Variants in ESPNL observed in about 807,000 individuals in gnomAD.
ESPNL encodes espin like, also known as espin-like protein.
In ESPNL, 49 loss-of-function variants were observed where a neutral mutation model predicts 46.8. The observed-to-expected ratio is 1.05, with a 90% CI of 0.83 to 1.33. The LOEUF (loss-of-function observed/expected upper bound fraction) is 1.33. ESPNL is among the 40% of genes most tolerant of loss of function. ESPNL has a pLI of 0.00. For synonymous variants in ESPNL, 664 were observed against 662.1 expected (o/e 1.00, Z -0.04); for missense variants, 1,540 against 1,436.6 (o/e 1.07, Z -1.16).
At chr2:238,119,879 C>T (rs372176131) in intron 5 of ESPNL, among the ~76,000 whole-genome samples, 3 of 152,242 alleles carry the variant, frequency 2.0e-5, no homozygotes, top group South Asian at 2.1e-4. Flanking sequence ...ACAGTCCCCC[C>T]CACCCCAGCC....
At position 238,127,734 on chromosome 2, in the gene ESPNL, G is replaced by A. The variant is rs1215103803; in HGVS notation, c.1215G>A (p.Glu405=). The change falls in exon 7 of 9, where the codon GAG becomes GAA. Residue 405 remains glutamate, a splice_region_variant and synonymous_variant. Coordinates refer to ENST00000343063, the MANE Select transcript of ESPNL (RefSeq NM_194312.4). The part of the protein sequence containing the change: ...RIITSATADP[E]GTETALAGDT... ...TCACCAGTGCCACGGCTGACCCCGAGGTTCGTCCTCCACCCCTGCATTCCT... is the reference window on the plus strand; with the variant it reads ...TCACCAGTGCCACGGCTGACCCCGAAGTTCGTCCTCCACCCCTGCATTCCT... 6.2e-7 allele frequency: 1 copy of A among 1,605,432 alleles called. No homozygotes were observed.
At chr2:238,104,193 G>A (rs1217388706) in intron 2 of ESPNL, among the ~76,000 whole-genome samples, 2 of 152,146 alleles carry the variant, frequency 1.3e-5, no homozygotes, top group Non-Finnish European at 2.9e-5. Flanking sequence ...ACGAGCCCGA[G>A]AGTTGACCCT....
intron 3 of ESPNL, 26 bp from the exon 4 acceptor site, chr2:238,107,765 T>G (rs1239341408): frequency 1.9e-6 from 3 of 1,546,064 alleles, no homozygotes; most frequent in Non-Finnish European, 2.6e-6. Context: ...GGAGGATGGC[T>G]GCTCCCTCTG....
intron 6 of ESPNL, among the ~76,000 whole-genome samples, chr2:238,125,925 GTT>G (rs2106476862): frequency 6.6e-6 from 1 of 152,242 alleles, no homozygotes; most frequent in South Asian, 2.1e-4. Flanking sequence ...GTGTCTGTGT[GTT>G]CTGTGTGTGA....
intron 5 of ESPNL, among the ~76,000 whole-genome samples, chr2:238,124,636 GGA>G (rs1373976970): frequency 6.7e-6 from 1 of 148,338 alleles, no homozygotes; most frequent in African/African-American, 2.5e-5. Context: ...TGTGTGTGCA[GGA>G]GAGTGTACGT....
rs1331100550 is a variant in ESPNL at position 238,130,903 on chromosome 2, G to A, written c.2189G>A (p.Gly730Asp). The A allele has an allele frequency of 2.8e-5, 44 of 1,546,490 alleles. No homozygotes were observed. The highest frequency in any genetic ancestry group is 3.8e-5 in the Non-Finnish European group (44 of 1,146,408). Residue 730 changes from glycine to aspartate, a missense_variant, in exon 9 of 9, where the codon GGC becomes GAC. Gly to Asp is a moderately conservative substitution (Grantham distance 94). Transcript: ENST00000343063. ...CCATCAGAGGCGGGTGCCGCAGCCGGCCCAGACCTGGCCAGCCTGCGCAAG... is the reference window on the plus strand; with the variant it reads ...CCATCAGAGGCGGGTGCCGCAGCCGACCCAGACCTGGCCAGCCTGCGCAAG... ...EVPSEAGAAA[G>D]PDLASLRKER...
chr2:238,102,187 G>A, intron 2 of ESPNL, 56 bp downstream of exon 2: 1 of 1,434,738 alleles, frequency 7.0e-7, no homozygotes. Context: ...TGGCCAAGGG[G>A]AGGCTGCACC....
At chr2:238,109,472 T>A (rs1691670108) in intron 4 of ESPNL, among the ~76,000 whole-genome samples, 1 of 152,182 alleles carries the variant, frequency 6.6e-6, no homozygotes, top group South Asian at 2.1e-4. Flanking sequence ...TGCCTCAGCC[T>A]CCTGAGTAGC....
At chr2:238,127,024 T>A (rs1318968527) in intron 6 of ESPNL, among the ~76,000 whole-genome samples, 1 of 150,474 alleles carries the variant, frequency 6.6e-6, no homozygotes, top group Non-Finnish European at 1.5e-5. Context: ...TGATTGTGTT[T>A]GTGTGTCTGT....
At position 238,130,403 on chromosome 2, in the gene ESPNL, T is replaced by G; in HGVS notation, c.1689T>G (p.Val563=). Residue 563 remains valine, a synonymous_variant, in exon 9 of 9, where the codon GTT becomes GTG. Coordinates refer to ENST00000343063, the MANE Select transcript of ESPNL (RefSeq NM_194312.4). Reference sequence around the variant, plus strand: ...TGCCCCGGGCGCCCGGACTGGAGGTTGAGGAGGCCTCAATCCCAGCGGCTG... The same window carrying G: ...TGCCCCGGGCGCCCGGACTGGAGGTGGAGGAGGCCTCAATCCCAGCGGCTG... The part of the protein sequence containing the change: ...HFLPRAPGLE[V]EEASIPAAEP... 6.2e-7 allele frequency: 1 copy of G among 1,610,712 alleles called. No individual in the cohort carries two copies. Among genetic ancestry groups the G allele is most frequent in the East Asian group, 2.2e-5 (1 of 44,776 alleles).
chr2:238,117,139 C>G, intron 5 of ESPNL, 105 bp downstream of exon 5: 2 of 1,406,270 alleles, frequency 1.4e-6, no homozygotes, highest in South Asian at 2.8e-5. Flanking sequence ...GGGAAGCTCA[C>G]CATGTCCAAC....
Position 238,100,597 on chromosome 2 carries a change from C to A in ESPNL, c.178C>A (p.Gln60Lys). The A allele has an allele frequency of 6.5e-7, 1 of 1,528,184 alleles. No individual in the cohort carries two copies. The highest frequency in any genetic ancestry group is 1.3e-5 in the South Asian group (1 of 79,562). 94.7% of individuals were successfully genotyped at this position (1,528,184 alleles called of 1,614,324 possible). A position where few individuals can be genotyped will look rare whatever the true frequency, so the allele number is the denominator to read the frequency against. ...DCVKFLVQRA[Q>K]LPGNQRAHNG... The stretch of plus-strand genomic sequence containing the variant: ...CGTCAAGTTCTTGGTGCAGCGGGCC[C>A]AGCTGCCCGGCAACCAGCGGGCCCA... Residue 60 changes from glutamine (Q) to lysine (K), a missense_variant, in exon 1 of 9, where the codon CAG becomes AAG. Coordinates refer to ENST00000343063, the MANE Select transcript of ESPNL (RefSeq NM_194312.4).
Position 238,130,408 on chromosome 2 carries a change from A to G in ESPNL, c.1694A>G (p.Glu565Gly). 6.2e-7 allele frequency: 1 copy of G among 1,610,414 alleles called. No homozygotes were observed. Among genetic ancestry groups the G allele is most frequent in the African/African-American group, 1.3e-5 (1 of 74,994 alleles). The stretch of plus-strand genomic sequence containing the variant: ...CGGGCGCCCGGACTGGAGGTTGAGG[A>G]GGCCTCAATCCCAGCGGCTGAGCCC... Reference protein sequence around the residue: ...LPRAPGLEVEEASIPAAEPAG... With the variant: ...LPRAPGLEVEGASIPAAEPAG... The change falls in exon 9 of 9, where the codon GAG (glutamate) becomes GGG (glycine). Residue 565 changes from glutamate (E) to glycine (G), a missense_variant. By Grantham distance (98) the Glu-to-Gly change is moderately conservative. Transcript: ENST00000343063.
Position 238,107,975 on chromosome 2 carries a change from T to C in ESPNL, c.855+2T>C. 2 of 1,608,160 alleles carry C rather than the reference T, an allele frequency of 1.2e-6. No individual in the cohort carries two copies. The highest frequency in any genetic ancestry group is 1.1e-5 in the South Asian group (1 of 90,486). On this transcript the variant is annotated splice_donor_variant, in intron 4 of 8. Transcript: ENST00000343063. LOFTEE classifies it high-confidence loss of function. The stretch of plus-strand genomic sequence containing the variant: ...GCAGCAGAGAACGGGCAGATGGAGG[T>C]AAGGTGGGCGTGAGGGAGACAGGGT...
At chr2:238,117,524 G>A (rs1172733700) in intron 5 of ESPNL, among the ~76,000 whole-genome samples, 2 of 152,200 alleles carry the variant, frequency 1.3e-5, no homozygotes, top group Non-Finnish European at 2.9e-5. Context: ...CCCCAGGAGT[G>A]GGAACGGAAC....
rs1190380799 is a variant in ESPNL at position 238,104,688 on chromosome 2, C to T, written c.518C>T (p.Ser173Phe). The change falls in exon 3 of 9, where the codon TCC becomes TTC. Residue 173 changes from serine (S) to phenylalanine (F), a missense_variant. Ser to Phe is a radical substitution (Grantham distance 155, BLOSUM62 -2). Transcript: ENST00000343063. ...AACCGGCGGACACGCAGTGGCGCCT[C>T]CCCACTCTACCTGGCCTGCCAGGAG... Reference protein sequence around the residue: ...SVNRRTRSGASPLYLACQEGH... With the variant: ...SVNRRTRSGAFPLYLACQEGH... 3.7e-6 allele frequency: 6 copies of T among 1,603,844 alleles called. No homozygotes were observed. Among genetic ancestry groups the T allele is most frequent in the Non-Finnish European group, 5.1e-6 (6 of 1,176,014 alleles).
At chr2:238,129,853 T>C (rs1692243710) in intron 8 of ESPNL, among the ~76,000 whole-genome samples, 1 of 152,246 alleles carries the variant, frequency 6.6e-6, no homozygotes, top group Non-Finnish European at 1.5e-5. Context: ...CTCCATCGTC[T>C]CAGGACTGTG....
At position 238,107,918 on chromosome 2, in the gene ESPNL, G is replaced by A. The variant is rs868656293; in HGVS notation, c.800G>A (p.Arg267Lys). The change falls in exon 4 of 9, where the codon AGA (arginine) becomes AAA (lysine). Residue 267 changes from arginine (R) to lysine (K), a missense_variant. Arg to Lys is a conservative substitution (Grantham distance 26). Coordinates refer to ENST00000343063, the MANE Select transcript of ESPNL (RefSeq NM_194312.4). ...RLLLMGTPILRDSWGGTPLHD... is the reference protein window; with the variant it reads ...RLLLMGTPILKDSWGGTPLHD... ...CTGCTCATGGGTACCCCCATCCTGA[G>A]AGACTCCTGGGGTGGGACCCCCCTC... 6.2e-7 allele frequency: 1 copy of A among 1,612,502 alleles called. No individual in the cohort carries two copies. Among genetic ancestry groups the A allele is most frequent in the Non-Finnish European group, 8.5e-7 (1 of 1,179,668 alleles).
intron 5 of ESPNL, among the ~76,000 whole-genome samples, chr2:238,123,437 G>A (rs912534428): frequency 6.6e-6 from 1 of 152,116 alleles, no homozygotes; most frequent in African/African-American, 2.4e-5. Context: ...GTGCCCTGGG[G>A]GCCGTACCGT....
Sources: gnomAD v4.1 joint callset for allele counts (sites outside exome capture counted in the v4.1 genomes callset) on GRCh38, gnomAD v4.1.1 for gene constraint, MANE v1.5 for transcripts, NCBI Gene and HGNC (gene_info 2026-07-23, HGNC 2026-07-21) for gene names.